RBM28: variants seen among roughly 807,000 people sequenced by gnomAD.
RBM28 encodes the protein RNA-binding protein 28.
RBM28 carries 78 observed loss-of-function variants against 98.3 expected under a neutral mutation model. The ratio of observed to expected loss-of-function variants is 0.79; its 90% CI spans 0.66 to 0.96. The LOEUF (loss-of-function observed/expected upper bound fraction) is 0.96, where lower values mean the gene tolerates loss of function less well. Ranked by LOEUF, RBM28 falls within the 40% of genes least tolerant of loss-of-function variation. The pLI, the probability that RBM28 is intolerant of heterozygous loss-of-function variation, is 0.00. For synonymous variants in RBM28, 306 were observed against 330.9 expected, an observed-to-expected ratio of 0.92 and a Z score of 0.82; for missense variants, 838 against 913.0, an observed-to-expected ratio of 0.92 and a Z score of 1.06.
At position 128,300,909 on chromosome 7, in the gene RBM28, CAG is replaced by C. The variant is rs909950767; in HGVS notation, c.*9886_*9887del. ...TGCTTAAATGGCACAGCCAGCTCCT[CAG>C]AGAGACAGGACACACTCTCCTTCTG... On this transcript the variant is annotated 3_prime_UTR_variant, in exon 19 of 19. Transcript: ENST00000223073. The C allele has an allele frequency of 6.6e-6, 1 of 152,332 alleles. No individual in the cohort carries two copies. The highest frequency in any genetic ancestry group is 6.5e-5 in the Admixed American group (1 of 15,292). 9.4% of individuals were successfully genotyped at this position (152,332 alleles called of 1,614,324 possible). A position where few individuals can be genotyped will look rare whatever the true frequency, so the allele number is the denominator to read the frequency against.
chr7:128,333,115 CTG>C (rs142066714), intron 9 of RBM28, among the ~76,000 whole-genome samples, 173 bp downstream of exon 9: 2,428 of 152,286 alleles, frequency 0.016, 63 homozygotes, highest in African/African-American at 0.056. Flanking sequence ...TATCTGTCTT[CTG>C]TGTTATAGTT....
chr7:128,298,287 C>A lies in RBM28; in HGVS notation c.*12510G>T, dbSNP rs1795734494. On this transcript the variant is annotated 3_prime_UTR_variant, in exon 19 of 19. Coordinates refer to ENST00000223073, the MANE Select transcript of RBM28 (RefSeq NM_018077.3). ...TTGTACCTACTCCCTGTTTTACACC[C>A]CCTCCCCTTTTGAAACCCTTAATAA... is the stretch of plus-strand genomic sequence containing the variant. 1 of 152,084 alleles carries A rather than the reference C, an allele frequency of 6.6e-6. No homozygotes were observed. The highest frequency in any genetic ancestry group is 2.1e-4 in the South Asian group (1 of 4,822). The allele number at this position is 152,084 out of a possible 1,614,324, so 9.4% of individuals were successfully genotyped here. A position where few individuals can be genotyped will look rare whatever the true frequency, so the allele number is the denominator to read the frequency against.
chr7:128,340,149 C>G (rs1004006172), intron 1 of RBM28, among the ~76,000 whole-genome samples: 24 of 152,140 alleles, frequency 1.6e-4, no homozygotes, highest in African/African-American at 5.8e-4. Flanking sequence ...CCAAAGAAGG[C>G]AGGAAAGGTA....
chr7:128,325,921 C>T (rs755630744), intron 10 of RBM28, 30 bp from the exon 11 acceptor site: 4 of 1,552,394 alleles, frequency 2.6e-6, no homozygotes, highest in Non-Finnish European at 3.6e-6. Flanking sequence ...TCAGTGAGAT[C>T]CCAAACTCCC....
At chr7:128,343,100 T>C (rs1161103970) in intron 1 of RBM28, among the ~76,000 whole-genome samples, 1 of 152,228 alleles carries the variant, frequency 6.6e-6, no homozygotes, top group Non-Finnish European at 1.5e-5. Context: ...TTTTTTGGTT[T>C]GGTGTTGTGC....
chr7:128,314,499 A>T (rs909373982), intron 17 of RBM28, among the ~76,000 whole-genome samples: 1 of 152,380 alleles, frequency 6.6e-6, no homozygotes. Flanking sequence ...CAGCTGGCAG[A>T]GATGGCCATC....
At chr7:128,311,833 A>T (rs1465970604) in intron 18 of RBM28, among the ~76,000 whole-genome samples, 1 of 152,236 alleles carries the variant, frequency 6.6e-6, no homozygotes, top group Non-Finnish European at 1.5e-5. Context: ...TAATTGACAA[A>T]GGAAGATTTT....
In RBM28 at chr7:128,325,868, T is replaced by G; in HGVS notation, c.1153A>C (p.Thr385Pro). The change falls in exon 11 of 19, where the codon ACT (threonine) becomes CCT (proline). Residue 385 changes from threonine to proline, a missense_variant. Physicochemically the swap from Thr to Pro is conservative, Grantham distance 38 (BLOSUM62 -1). Transcript: ENST00000223073. Reference protein sequence around the residue: ...SKGCAFAQFMTQEAAQKCLLA... With the variant: ...SKGCAFAQFMPQEAAQKCLLA... ...AGGCATTTCTGAGCTGCTTCTTGAG[T>G]CATGAACTGGGCAAATGCACAACCT... 1.2e-6 allele frequency: 2 copies of G among 1,613,682 alleles called. No individual in the cohort carries two copies. The highest frequency in any genetic ancestry group is 1.7e-6 in the Non-Finnish European group (2 of 1,179,902).
chr7:128,311,061 A>G, intron 18 of RBM28, 130 bp from the exon 19 acceptor site: 4 of 898,388 alleles, frequency 4.5e-6, no homozygotes, highest in Non-Finnish European at 5.3e-6. Context: ...GTAGGTTTCT[A>G]GAGAGAGACT....
chr7:128,325,017 AT>A (rs1394521845), intron 11 of RBM28, among the ~76,000 whole-genome samples: 6 of 152,182 alleles, frequency 3.9e-5, no homozygotes, highest in African/African-American at 1.2e-4. Context: ...CTCAAAAAAA[AT>A]AAAATAAAAT....
At position 128,339,296 on chromosome 7, in the gene RBM28, C is replaced by T. The variant is rs141366266; in HGVS notation, c.303G>A (p.Glu101=). Residue 101 remains glutamate, a synonymous_variant, in exon 3 of 19, where the codon GAG becomes GAA. Coordinates refer to ENST00000223073, the MANE Select transcript of RBM28 (RefSeq NM_018077.3). ...KNENSECPKK[E]PKAKKAKVAD... Reference sequence around the variant, plus strand: ...CCACTTTGGCTTTTTTAGCCTTCGGCTCCTTCTTTGGGCACTCTGAGTTTT... The same window carrying T: ...CCACTTTGGCTTTTTTAGCCTTCGGTTCCTTCTTTGGGCACTCTGAGTTTT... 33 of 1,613,106 alleles carry T rather than the reference C, an allele frequency of 2.0e-5. No individual in the cohort carries two copies. In the African/African-American group the frequency reaches 3.3e-4, roughly 16 times the overall value.
At chr7:128,313,776 C>T (rs374421835) in intron 17 of RBM28, among the ~76,000 whole-genome samples, 1 of 152,102 alleles carries the variant, frequency 6.6e-6, no homozygotes, top group Admixed American at 6.5e-5. Flanking sequence ...GTTCTCGTGA[C>T]GGTGAATGAG....
At chr7:128,336,175 A>G (rs1438235174) in intron 6 of RBM28, 133 bp from the exon 7 acceptor site, 1 of 814,802 alleles carries the variant, frequency 1.2e-6, no homozygotes, top group East Asian at 2.7e-5. Context: ...CTTACTGCAT[A>G]TAACAGGAGA....
At chr7:128,338,509 C>A (rs946515529) in intron 4 of RBM28, among the ~76,000 whole-genome samples, 167 bp from the exon 5 acceptor site, 3 of 152,220 alleles carry the variant, frequency 2.0e-5, no homozygotes, top group Non-Finnish European at 2.9e-5. Context: ...TATACTCTGA[C>A]TTGGACTTGG....
Position 128,338,251 on chromosome 7 carries a change from T to G in RBM28, c.540A>C (p.Lys180Asn). The G allele has an allele frequency of 6.2e-7, 1 of 1,612,714 alleles. No individual in the cohort carries two copies. Among genetic ancestry groups the G allele is most frequent in the Non-Finnish European group, 8.5e-7 (1 of 1,178,684 alleles). Residue 180 changes from lysine to asparagine, a missense_variant and splice_region_variant, in exon 5 of 19, where the codon AAA becomes AAC. Physicochemically the swap from Lys to Asn is moderately conservative, Grantham distance 94. Coordinates refer to ENST00000223073, the MANE Select transcript of RBM28 (RefSeq NM_018077.3). ...ATGATATGGGTATAGAAAGCTTACC[T>G]TTTATCTCTTTCATGTTCATGCCTT... ...ALKGMNMKEI[K>N]GRTVAVDWAV...
intron 13 of RBM28, among the ~76,000 whole-genome samples, chr7:128,323,096 C>A (rs1356804576): frequency 6.6e-6 from 1 of 152,074 alleles, no homozygotes; most frequent in Non-Finnish European, 1.5e-5. Flanking sequence ...GAGATTATAA[C>A]TCCTCCCAAC....
At chr7:128,319,513 A>T (rs1208995254) in intron 14 of RBM28, among the ~76,000 whole-genome samples, 3 of 152,216 alleles carry the variant, frequency 2.0e-5, no homozygotes, top group Non-Finnish European at 1.5e-5. Context: ...CATTCTCTCA[A>T]GTAATCTCCC....
intron 8 of RBM28, among the ~76,000 whole-genome samples, chr7:128,334,484 T>C (rs556526842): frequency 2.6e-5 from 4 of 152,310 alleles, no homozygotes; most frequent in East Asian, 1.9e-4. Context: ...AAAAAGCTTA[T>C]TTCCTCAGAT....
rs1161880307 is a variant in RBM28 at position 128,330,561 on chromosome 7, G to A, written c.1129+258C>T. Among the ~76,000 whole-genome samples the A allele has an allele frequency of 2.0e-5, 3 of 151,800 alleles. No individual in the cohort carries two copies. In the East Asian group the frequency reaches 5.8e-4, roughly 29 times the overall value. The stretch of plus-strand genomic sequence containing the variant: ...TAATTTTTTGTATTTTAGTAGAGAC[G>A]GGGTTTCACCGTGTTGCCCAGGCTG... On this transcript the variant is annotated intron_variant, in intron 10 of 18. Transcript: ENST00000223073.
Sources: gnomAD v4.1 joint callset for allele counts (sites outside exome capture counted in the v4.1 genomes callset) on GRCh38, gnomAD v4.1.1 for gene constraint, MANE v1.5 for transcripts, NCBI Gene and HGNC (gene_info 2026-07-23, HGNC 2026-07-21) for gene names.